SIAH2: variants seen among roughly 807,000 people sequenced by gnomAD.
SIAH2 encodes the protein siah E3 ubiquitin protein ligase 2.
A neutral mutation model predicts 20.4 loss-of-function variants in SIAH2; 4 were observed. That is an observed-to-expected ratio of 0.20 (90% confidence interval 0.10 to 0.45). SIAH2 has a LOEUF of 0.45. SIAH2 is among the 20% of genes least tolerant of loss of function. SIAH2 has a pLI of 0.99. For missense variants in SIAH2, 259 were observed against 440.3 expected, an observed-to-expected ratio of 0.59 and a Z score of 3.69; for synonymous variants, 171 against 192.5, an observed-to-expected ratio of 0.89 and a Z score of 0.93.
rs552386983 is a variant in SIAH2 at position 150,760,787 on chromosome 3, A to C, written c.417+1646T>G. ...GGGGCATCCCCCACCCCTGCAATAT[A>C]TCTCAAGCATCAAATAGCCACTCTA... On this transcript the variant is annotated intron_variant, in intron 1 of 1. Coordinates refer to ENST00000312960, the MANE Select transcript of SIAH2 (RefSeq NM_005067.7). Among the ~76,000 whole-genome samples the C allele has an allele frequency of 3.3e-4, 51 of 152,350 alleles. No homozygotes were observed. The South Asian group carries it at 9.7e-3, about 29-fold the overall frequency.
At chr3:150,751,172 C>T (rs1169184669) in intron 1 of SIAH2, among the ~76,000 whole-genome samples, 2 of 152,188 alleles carry the variant, frequency 1.3e-5, no homozygotes, top group Admixed American at 6.5e-5. Context: ...TGGCTCATGC[C>T]TGTAATCCTA....
chr3:150,743,780 G>A (rs1714152259), intron 1 of SIAH2, among the ~76,000 whole-genome samples: 1 of 152,092 alleles, frequency 6.6e-6, no homozygotes, highest in Admixed American at 6.5e-5. Flanking sequence ...ACCAGATGGA[G>A]ATCAGCCCAC....
intron 1 of SIAH2, among the ~76,000 whole-genome samples, chr3:150,751,342 T>C (rs1219475285): frequency 6.6e-6 from 1 of 151,970 alleles, no homozygotes; most frequent in African/African-American, 2.4e-5. Flanking sequence ...GAGAATTGCT[T>C]GAACCCGGGA....
At position 150,741,666 on chromosome 3, in the gene SIAH2, T is replaced by G. The variant is rs138799174; in HGVS notation, c.*475A>C. On this transcript the variant is annotated 3_prime_UTR_variant, in exon 2 of 2. Transcript: ENST00000312960. ...TTTTAAGATAAGCACTCCGGGTGAT[T>G]CAGTGTCTATTAGCCAGCCATCCAA... is the stretch of plus-strand genomic sequence containing the variant. 3.8e-3 allele frequency: 580 copies of G among 154,266 alleles called. 4 individuals are homozygous for G. Among genetic ancestry groups the G allele is most frequent in the African/African-American group, 0.013 (549 of 41,594 alleles). The allele number at this position is 154,266 out of a possible 1,614,324, so 9.6% of individuals were successfully genotyped here.
intron 1 of SIAH2, among the ~76,000 whole-genome samples, chr3:150,748,578 G>A (rs1714279293): frequency 6.6e-6 from 1 of 152,188 alleles, no homozygotes; most frequent in African/African-American, 2.4e-5. Flanking sequence ...GGAACTGTGA[G>A]GTAACCACAC....
At chr3:150,756,109 C>G (rs756911478) in intron 1 of SIAH2, among the ~76,000 whole-genome samples, 16 of 152,224 alleles carry the variant, frequency 1.1e-4, no homozygotes, top group Non-Finnish European at 1.9e-4. Context: ...TAGGGCAAAG[C>G]TGATGAAATT....
rs137855704 is a variant in SIAH2, at chr3:150,742,365, G to A, written c.751C>T (p.Leu251Phe). Residue 251 changes from leucine to phenylalanine, a missense_variant, in exon 2 of 2, where the codon CTC becomes TTC. Physicochemically the swap from Leu to Phe is conservative, Grantham distance 22. Around this residue, in one of 2 missense-constraint regions of SIAH2, gnomAD observed 160 missense variants for 327.6 expected, o/e 0.49. Coordinates refer to ENST00000312960, the MANE Select transcript of SIAH2 (RefSeq NM_005067.7). This position sits in a 1 kb window ranked among gnomAD's most constrained non-coding sequence, Gnocchi z 4.8. ...TCGGCTTGCTTGCGGGTGCCAATGA[G>A]CAGGACGATGGCAAAAAACTGCTGG... ...GHQQFFAIVL[L>F]IGTRKQAENF... 2 of 1,614,070 alleles carry A rather than the reference G, an allele frequency of 1.2e-6. No homozygotes were observed. Among genetic ancestry groups the A allele is most frequent in the African/African-American group, 2.7e-5 (2 of 74,910 alleles).
At chr3:150,744,833 A>G (rs1714173592) in intron 1 of SIAH2, among the ~76,000 whole-genome samples, 1 of 152,188 alleles carries the variant, frequency 6.6e-6, no homozygotes, top group African/African-American at 2.4e-5. Context: ...GACGAACTCA[A>G]CATTTACAGC....
chr3:150,755,897 T>C (rs113328051), intron 1 of SIAH2, among the ~76,000 whole-genome samples: 67 of 148,208 alleles, frequency 4.5e-4, no homozygotes, highest in African/African-American at 1.6e-3. Context: ...TGATCTGCCC[T>C]CCTCAGCCTC....
chr3:150,762,249 TA>T lies in SIAH2; in HGVS notation c.417+183del. On this transcript the variant is annotated intron_variant, in intron 1 of 1. Coordinates refer to ENST00000312960, the MANE Select transcript of SIAH2 (RefSeq NM_005067.7). The surrounding 1 kb of genome is among the most constrained non-coding windows in gnomAD (Gnocchi z 6.6). The stretch of plus-strand genomic sequence containing the variant: ...TTGTCTATTAACAATTATTACTCGG[TA>T]AATGTCAACCCAGACCTACACCCAA... 1 of 1,217,202 alleles carries T rather than the reference TA, an allele frequency of 8.2e-7. No homozygotes were observed. The highest frequency in any genetic ancestry group is 1.1e-6 in the Non-Finnish European group (1 of 903,622). The allele number at this position is 1,217,202 out of a possible 1,614,324, so 75.4% of individuals were successfully genotyped here.
chr3:150,747,223 G>A (rs73006999), intron 1 of SIAH2, among the ~76,000 whole-genome samples: 21,375 of 152,246 alleles, frequency 0.14, 2,982 homozygotes, highest in East Asian at 0.37. Context: ...TGGTTTGCAA[G>A]GAGAGAAAAA....
chr3:150,741,957 C>A lies in SIAH2; in HGVS notation c.*184G>T. The A allele has an allele frequency of 1.6e-6, 1 of 616,332 alleles. No homozygotes were observed. The highest frequency in any genetic ancestry group is 2.9e-6 in the Non-Finnish European group (1 of 346,538). The allele number at this position is 616,332 out of a possible 1,614,324, so 38.2% of individuals were successfully genotyped here. A position where few individuals can be genotyped will look rare whatever the true frequency, so the allele number is the denominator to read the frequency against. On this transcript the variant is annotated 3_prime_UTR_variant, in exon 2 of 2. Transcript: ENST00000312960. ...GCATCCAAATCACCAACAGGCCAACCCCATTCATCCCAGGTTAATGAACTT... is the reference window on the plus strand; with the variant it reads ...GCATCCAAATCACCAACAGGCCAACACCATTCATCCCAGGTTAATGAACTT...
At chr3:150,745,349 G>A (rs1714187982) in intron 1 of SIAH2, among the ~76,000 whole-genome samples, 1 of 151,834 alleles carries the variant, frequency 6.6e-6, no homozygotes, top group Non-Finnish European at 1.5e-5. Flanking sequence ...TGGGTGTTTT[G>A]TCACTTTCAT....
At chr3:150,749,144 G>A (rs1714293583) in intron 1 of SIAH2, among the ~76,000 whole-genome samples, 1 of 152,104 alleles carries the variant, frequency 6.6e-6, no homozygotes, top group Non-Finnish European at 1.5e-5. Flanking sequence ...CTGGATAAAG[G>A]CTATAAGGGA....
chr3:150,746,386 ACT>A (rs1714213311), intron 1 of SIAH2, among the ~76,000 whole-genome samples: 1 of 152,108 alleles, frequency 6.6e-6, no homozygotes, highest in South Asian at 2.1e-4. Context: ...ACAGACTGAG[ACT>A]CTGTCTCAAA....
chr3:150,744,218 A>G (rs902642794), intron 1 of SIAH2, among the ~76,000 whole-genome samples: 7 of 152,206 alleles, frequency 4.6e-5, no homozygotes, highest in African/African-American at 1.7e-4. Context: ...AGCAAGGATG[A>G]CAGCCTCCAC....
intron 1 of SIAH2, among the ~76,000 whole-genome samples, chr3:150,757,905 C>T (rs983141504): frequency 2.0e-5 from 3 of 152,156 alleles, no homozygotes; most frequent in Non-Finnish European, 2.9e-5. Context: ...CCCAACCCCA[C>T]CAATCAGCCA....
At chr3:150,756,415 C>G (rs932913398) in intron 1 of SIAH2, among the ~76,000 whole-genome samples, 8 of 152,162 alleles carry the variant, frequency 5.3e-5, no homozygotes, top group African/African-American at 1.9e-4. Context: ...CAAATTTTGT[C>G]AGAAGCAAAA....
In SIAH2 at chr3:150,742,245, T is replaced by A. The variant is rs939181890; in HGVS notation, c.871A>T (p.Ile291Phe). The A allele has an allele frequency of 1.2e-6, 2 of 1,614,068 alleles. No homozygotes were observed. The highest frequency in any genetic ancestry group is 8.5e-7 in the Non-Finnish European group (1 of 1,180,046). Reference protein sequence around the residue: ...RSIHDGVAAAIMNSDCLVFDT... With the variant: ...RSIHDGVAAAFMNSDCLVFDT... ...AAAACAAGGCAGTCGCTGTTCATGA[T>A]GGCCGCAGCCACACCGTCATGAATC... Residue 291 changes from isoleucine (I) to phenylalanine (F), a missense_variant, in exon 2 of 2, where the codon ATC becomes TTC. By Grantham distance (21) the Ile-to-Phe change is conservative. Transcript: ENST00000312960. This position sits in a 1 kb window ranked among gnomAD's most constrained non-coding sequence, Gnocchi z 4.8.
Sources: gnomAD v4.1 joint callset for allele counts (sites outside exome capture counted in the v4.1 genomes callset) on GRCh38, gnomAD v4.1.1 for gene constraint, gnomAD v4.1.1 regional missense constraint, Gnocchi (gnomAD v3.1) non-coding constraint, MANE v1.5 for transcripts, NCBI Gene and HGNC (gene_info 2026-07-23, HGNC 2026-07-21) for gene names.